The following OPHN1 variants were observed in gnomAD, a reference collection of about 807,000 sequenced individuals.
OPHN1 encodes oligophrenin 1.
Under a neutral mutation model 60.7 loss-of-function variants are expected in OPHN1, and 11 were observed. The ratio of observed to expected loss-of-function variants is 0.18; its 90% CI spans 0.11 to 0.30. OPHN1 has a LOEUF of 0.30. Ranked by LOEUF, OPHN1 falls within the 10% of genes least tolerant of loss-of-function variation. OPHN1 has a pLI of 1.00. For missense variants in OPHN1, 449 were observed against 611.0 expected (o/e 0.73, Z 2.80); for synonymous variants, 226 against 222.6 (o/e 1.02, Z -0.14).
At chrX:68,272,590 T>C (rs923366727) in intron 5 of OPHN1, among the ~76,000 whole-genome samples, 3 of 112,317 alleles carry the variant, frequency 2.7e-5, no homozygotes, top group Non-Finnish European at 3.8e-5. Context: ...TTCAGTACAG[T>C]TAACACCCGT....
intron 2 of OPHN1, among the ~76,000 whole-genome samples, chrX:68,346,647 T>C (rs767594761): frequency 8.9e-6 from 1 of 112,155 alleles, no homozygotes; most frequent in South Asian, 3.7e-4. Context: ...TCTCTGATTT[T>C]ACATAACAGG....
intron 2 of OPHN1, among the ~76,000 whole-genome samples, chrX:68,323,550 T>C (rs2078245553): frequency 8.9e-6 from 1 of 112,098 alleles, no homozygotes; most frequent in Non-Finnish European, 1.9e-5. Flanking sequence ...GTCTTCCCCA[T>C]AGTAGAATAT....
At chrX:68,289,084 G>A (rs996016568) in intron 3 of OPHN1, among the ~76,000 whole-genome samples, 3 of 110,771 alleles carry the variant, frequency 2.7e-5, no homozygotes, top group Non-Finnish European at 5.7e-5. Flanking sequence ...TAGGACTGAG[G>A]ACTAAGAAAA....
rs779085255 is a variant in OPHN1 at position 68,113,244 on chromosome X, A to G, written c.1362-5T>C. On this transcript the variant is annotated splice_polypyrimidine_tract_variant and splice_region_variant and intron_variant, in intron 16 of 24. Coordinates refer to ENST00000355520, the MANE Select transcript of OPHN1 (RefSeq NM_002547.3). ...ATGACAGGTTCAGAAAGATTCCTGA[A>G]ATGAATGAAAATTGTCAGTTGCTTT... 1.7e-6 allele frequency: 2 copies of G among 1,200,146 alleles called. No homozygotes were observed. Among genetic ancestry groups the G allele is most frequent in the Non-Finnish European group, 2.3e-6 (2 of 885,246 alleles).
chrX:68,251,145 A>G (rs2077831867), intron 5 of OPHN1, among the ~76,000 whole-genome samples: 1 of 104,201 alleles, frequency 9.6e-6, no homozygotes, highest in African/African-American at 3.5e-5. Context: ...GAAAAGGAGG[A>G]GAGCTGAAAC....
chrX:68,275,949 G>T (rs1038016656), intron 4 of OPHN1, among the ~76,000 whole-genome samples: 11 of 110,896 alleles, frequency 9.9e-5, no homozygotes, highest in Non-Finnish European at 2.1e-4. Flanking sequence ...GAACATCTTG[G>T]TGAACCCTGA....
intron 19 of OPHN1, among the ~76,000 whole-genome samples, chrX:68,092,862 T>C (rs141434209): frequency 0.01 from 1,114 of 111,153 alleles, 12 homozygotes; most frequent in African/African-American, 0.035. Context: ...TATTTTGTTA[T>C]ACTAATGATG....
chrX:68,060,090 A>C (rs918217074), intron 21 of OPHN1, among the ~76,000 whole-genome samples: 2 of 111,458 alleles, frequency 1.8e-5, no homozygotes, highest in Non-Finnish European at 3.8e-5. Context: ...CCTCTTCATT[A>C]CCCAAAGGAA....
At chrX:68,332,641 T>A (rs1171387794) in intron 2 of OPHN1, among the ~76,000 whole-genome samples, 1 of 111,585 alleles carries the variant, frequency 9.0e-6, no homozygotes, top group Non-Finnish European at 1.9e-5. Flanking sequence ...TTTCCTCTGA[T>A]TCCCAAGGGA....
chrX:68,345,701 C>A (rs918664706), intron 2 of OPHN1, among the ~76,000 whole-genome samples: 2 of 111,682 alleles, frequency 1.8e-5, no homozygotes, highest in African/African-American at 6.5e-5. Flanking sequence ...ACCAAAAATA[C>A]AAAAATTATC....
chrX:68,385,842 C>T (rs1938638514), intron 2 of OPHN1, among the ~76,000 whole-genome samples: 1 of 111,723 alleles, frequency 9.0e-6, no homozygotes, highest in Admixed American at 9.6e-5. Context: ...CTAAGTAAGT[C>T]TGAGTTAGGG....
intron 18 of OPHN1, among the ~76,000 whole-genome samples, chrX:68,098,843 C>T (rs2077047410): frequency 9.0e-6 from 1 of 111,413 alleles, no homozygotes; most frequent in Non-Finnish European, 1.9e-5. Context: ...GTCCCAGCAG[C>T]TCACAGAATC....
chrX:68,296,499 A>C (rs192808419), intron 3 of OPHN1, among the ~76,000 whole-genome samples: 151 of 109,926 alleles, frequency 1.4e-3, no homozygotes, highest in African/African-American at 4.6e-3. Flanking sequence ...ATCTATTAAA[A>C]ATACAAAAAT....
At chrX:68,277,157 G>T (rs1015808887) in intron 4 of OPHN1, among the ~76,000 whole-genome samples, 38 of 112,239 alleles carry the variant, frequency 3.4e-4, no homozygotes, top group Non-Finnish European at 3.2e-4. Flanking sequence ...CCCAGGGTAG[G>T]GGGAGGTGGA....
chrX:68,130,677 A>G (rs1017979912), intron 15 of OPHN1, among the ~76,000 whole-genome samples: 9 of 111,540 alleles, frequency 8.1e-5, no homozygotes, highest in Non-Finnish European at 1.3e-4. Flanking sequence ...GAACAACATA[A>G]AAGTACATAA....
chrX:68,086,559 T>C (rs1425781049), intron 19 of OPHN1, among the ~76,000 whole-genome samples: 1 of 112,334 alleles, frequency 8.9e-6, no homozygotes, highest in Non-Finnish European at 1.9e-5. Flanking sequence ...AATTCCTTTC[T>C]CTGCAAAGAC....
At chrX:68,311,676 G>A (rs866207824) in intron 2 of OPHN1, among the ~76,000 whole-genome samples, 1 of 111,931 alleles carries the variant, frequency 8.9e-6, no homozygotes, top group Non-Finnish European at 1.9e-5. Context: ...CAAGTGATGC[G>A]CCCACCTCGG....
At chrX:68,124,269 GT>G (rs1419100273) in intron 15 of OPHN1, among the ~76,000 whole-genome samples, 32 of 107,195 alleles carry the variant, frequency 3.0e-4, no homozygotes, top group Admixed American at 2.2e-3. Context: ...TAGAATAAAA[GT>G]TTTTTTTTTC....
intron 19 of OPHN1, among the ~76,000 whole-genome samples, chrX:68,088,081 T>A (rs1415336274): frequency 9.0e-6 from 1 of 111,380 alleles, no homozygotes; most frequent in Non-Finnish European, 1.9e-5. Context: ...CTAGTCCTAC[T>A]CATCCAATAT....
Sources: gnomAD v4.1 joint callset for allele counts (sites outside exome capture counted in the v4.1 genomes callset) on GRCh38, gnomAD v4.1.1 for gene constraint, MANE v1.5 for transcripts, NCBI Gene and HGNC (gene_info 2026-07-23, HGNC 2026-07-21) for gene names.